KIRREL1: variants seen among roughly 807,000 people sequenced by gnomAD.
KIRREL1 encodes kirre like nephrin family adhesion molecule 1, also known as kin of IRRE-like protein 1.
In KIRREL1, 25 loss-of-function variants were observed where a neutral mutation model predicts 83.3. That is an observed-to-expected ratio of 0.30 (90% CI 0.22 to 0.42). The LOEUF is 0.42. KIRREL1 is among the 10% of genes least tolerant of loss of function. KIRREL1 has a pLI of 1.00. For synonymous variants in KIRREL1, 388 were observed against 410.4 expected, an observed-to-expected ratio of 0.95 and a Z score of 0.66; for missense variants, 812 against 1,032.3, an observed-to-expected ratio of 0.79 and a Z score of 2.92.
chr1:158,078,252 C>A, intron 3 of KIRREL1, 112 bp downstream of exon 3: 1 of 1,201,140 alleles, frequency 8.3e-7, no homozygotes, highest in South Asian at 1.4e-5. Flanking sequence ...CTCTCTGTTA[C>A]TGGCCTTATC....
At chr1:158,033,321 C>T (rs1051775627) in intron 1 of KIRREL1, among the ~76,000 whole-genome samples, 1 of 152,220 alleles carries the variant, frequency 6.6e-6, no homozygotes, top group African/African-American at 2.4e-5. Context: ...ATCCACTCGC[C>T]TCGGCCTCCC....
At chr1:158,019,966 G>A (rs1260642706) in intron 1 of KIRREL1, among the ~76,000 whole-genome samples, 1 of 152,084 alleles carries the variant, frequency 6.6e-6, no homozygotes. Context: ...GCTGTGGCCC[G>A]GGATAAGCAT....
chr1:158,041,681 A>C lies in KIRREL1; in HGVS notation c.53-34432A>C, dbSNP rs549958084. 1.1e-3 allele frequency among the ~76,000 whole-genome samples: 171 copies of C among 152,232 alleles called. 2 individuals carry two copies. In the South Asian group the frequency reaches 0.015, roughly 13 times the overall value. Reference sequence around the variant, plus strand: ...TTCCCACCTCTCTCTTGAGATTCCTATCTCAGTCCTCTCCCAAAAGAACCA... The same window carrying C: ...TTCCCACCTCTCTCTTGAGATTCCTCTCTCAGTCCTCTCCCAAAAGAACCA... On this transcript the variant is annotated intron_variant, in intron 1 of 14. Transcript: ENST00000359209.
chr1:158,089,222 A>T (rs545992529), intron 8 of KIRREL1, among the ~76,000 whole-genome samples: 1 of 152,308 alleles, frequency 6.6e-6, no homozygotes, highest in Admixed American at 6.5e-5. Context: ...AGAACAGATC[A>T]TCAGAAGAGG....
At chr1:158,055,796 C>T (rs1218555364) in intron 1 of KIRREL1, among the ~76,000 whole-genome samples, 2 of 152,240 alleles carry the variant, frequency 1.3e-5, no homozygotes, top group Admixed American at 6.5e-5. Context: ...AATTGAAAAT[C>T]GGTTCATCTG....
At chr1:158,072,082 G>T (rs186774768) in intron 1 of KIRREL1, among the ~76,000 whole-genome samples, 10 of 152,102 alleles carry the variant, frequency 6.6e-5, no homozygotes, top group African/African-American at 2.4e-4. Flanking sequence ...TCCAGAGCCT[G>T]TTTCCCTTGC....
rs145540471 is a variant in KIRREL1 at position 158,007,120 on chromosome 1, A to G, written c.52+13392A>G. ...TCAACTGTAAACTTGAACTTGAGGC[A>G]GGAGACTTGGTTTCTGTTACCAGCT... On this transcript the variant is annotated intron_variant, in intron 1 of 14. Transcript: ENST00000359209. 1.4e-3 allele frequency among the ~76,000 whole-genome samples: 219 copies of G among 152,330 alleles called. 1 individual carries two copies. The highest frequency in any genetic ancestry group is 0.013 in the Admixed American group (192 of 15,306).
At chr1:158,056,937 A>G (rs1661081232) in intron 1 of KIRREL1, among the ~76,000 whole-genome samples, 1 of 152,040 alleles carries the variant, frequency 6.6e-6, no homozygotes, top group Non-Finnish European at 1.5e-5. Flanking sequence ...TTCTGCCAGG[A>G]TATGGAGGTG....
rs1321205986 is a variant in KIRREL1 at position 158,070,454 on chromosome 1, AT to A, written c.53-5657del. ...CCTGGCACATAGTTGGCATCTTATA[AT>A]TGGGAGTGTTTATTATTAAGGAACA... On this transcript the variant is annotated intron_variant, in intron 1 of 14. Transcript: ENST00000359209. Among the ~76,000 whole-genome samples the A allele has an allele frequency of 2.0e-5, 3 of 152,210 alleles. No homozygotes were observed. The East Asian group carries it at 5.8e-4, about 29-fold the overall frequency.
chr1:158,063,711 T>A (rs145569214), intron 1 of KIRREL1, among the ~76,000 whole-genome samples: 102 of 152,348 alleles, frequency 6.7e-4, no homozygotes, highest in Non-Finnish European at 1.3e-3. Flanking sequence ...CTATGCCCTC[T>A]GCCTTCCCAG....
At chr1:158,035,985 A>T (rs1251565020) in intron 1 of KIRREL1, among the ~76,000 whole-genome samples, 3 of 152,206 alleles carry the variant, frequency 2.0e-5, no homozygotes, top group Non-Finnish European at 1.5e-5. Flanking sequence ...TTATGCATTG[A>T]CAGAGTTTAC....
rs1023545172 is a variant in KIRREL1, at chr1:158,094,255, G to A, written c.1720-58G>A. ...CCTCTGAGCGTGGGGAGGGGTTGGT[G>A]AGGGGCGAAAAGAGCAGGGCTTCCG... On this transcript the variant is annotated intron_variant, in intron 13 of 14. Transcript: ENST00000359209. The surrounding 1 kb of genome is among the most constrained non-coding windows in gnomAD (Gnocchi z 4.6). 9 of 1,481,750 alleles carry A rather than the reference G, an allele frequency of 6.1e-6. No individual in the cohort carries two copies. Among genetic ancestry groups the A allele is most frequent in the Middle Eastern group, 1.7e-4 (1 of 5,762 alleles). The allele number at this position is 1,481,750 out of a possible 1,614,324, so 91.8% of individuals were successfully genotyped here.
chr1:157,998,903 T>C (rs1318641336), intron 1 of KIRREL1, among the ~76,000 whole-genome samples: 1 of 152,220 alleles, frequency 6.6e-6, no homozygotes, highest in Non-Finnish European at 1.5e-5. Context: ...AGGTTAATGT[T>C]ACTCCCATTT....
At chr1:158,026,713 A>G (rs945565590) in intron 1 of KIRREL1, among the ~76,000 whole-genome samples, 1 of 152,206 alleles carries the variant, frequency 6.6e-6, no homozygotes, top group African/African-American at 2.4e-5. Context: ...CAGGAATCGG[A>G]GTCACAGAGA....
At chr1:158,088,683 A>G (rs1057473246) in intron 8 of KIRREL1, among the ~76,000 whole-genome samples, 4 of 150,514 alleles carry the variant, frequency 2.7e-5, no homozygotes, top group African/African-American at 9.8e-5. Flanking sequence ...ACGGGGTTTC[A>G]CCTTGTTAGC....
At chr1:158,038,853 T>C (rs958714038) in intron 1 of KIRREL1, among the ~76,000 whole-genome samples, 1 of 152,198 alleles carries the variant, frequency 6.6e-6, no homozygotes, top group Admixed American at 6.5e-5. Context: ...ACGTAGTAGG[T>C]CTTCAATAAA....
chr1:158,066,812 T>G (rs1274613975), intron 1 of KIRREL1, among the ~76,000 whole-genome samples: 1 of 152,164 alleles, frequency 6.6e-6, no homozygotes, highest in Non-Finnish European at 1.5e-5. Context: ...CCTCTTAGCC[T>G]CCTATCTGAA....
At chr1:158,010,396 TACACACACACACACACACAC>T (rs56077512) in intron 1 of KIRREL1, among the ~76,000 whole-genome samples, 3,216 of 44,564 alleles carry the variant, frequency 0.072, 50 homozygotes, top group Non-Finnish European at 0.093. Context: ...CACACATGCA[TACACACACACACACACACAC>T]ACACACACAC....
chr1:158,034,739 C>T (rs1660429128), intron 1 of KIRREL1, among the ~76,000 whole-genome samples: 2 of 152,108 alleles, frequency 1.3e-5, no homozygotes, highest in South Asian at 2.1e-4. Flanking sequence ...TCCATCTTAG[C>T]GCAGTTACTT....
Sources: allele counts gnomAD v4.1 joint callset (sites outside exome capture counted in the v4.1 genomes callset), GRCh38; gene constraint gnomAD v4.1.1; non-coding constraint Gnocchi (gnomAD v3.1); transcripts MANE v1.5; gene names NCBI Gene and HGNC (gene_info 2026-07-23, HGNC 2026-07-21).